The following CERS3 variants were observed in gnomAD, a reference collection of about 807,000 sequenced individuals.
CERS3 encodes LAG1 homolog, ceramide synthase 3.
Under a neutral mutation model 50.3 loss-of-function variants are expected in CERS3, and 33 were observed. That is an observed-to-expected ratio of 0.66 (90% confidence interval 0.50 to 0.88). The LOEUF is 0.88. CERS3 is among the 40% of genes least tolerant of loss of function. The pLI, the probability that CERS3 is intolerant of heterozygous loss-of-function variation, is 0.00. For synonymous variants in CERS3, 176 were observed against 155.2 expected, an observed-to-expected ratio of 1.13 and a Z score of -0.99; for missense variants, 470 against 460.3, an observed-to-expected ratio of 1.02 and a Z score of -0.19.
chr15:100,537,568 G>A (rs138155392), intron 1 of CERS3, among the ~76,000 whole-genome samples: 2 of 152,276 alleles, frequency 1.3e-5, no homozygotes, highest in Non-Finnish European at 2.9e-5. Context: ...CAAGCGAAGT[G>A]GGGAAGAGCG....
chr15:100,451,510 G>T (rs987202043), intron 11 of CERS3, among the ~76,000 whole-genome samples: 3 of 151,888 alleles, frequency 2.0e-5, no homozygotes, highest in Non-Finnish European at 4.4e-5. Context: ...GAGACCATCC[G>T]GGCTAACATG....
At chr15:100,430,112 A>G (rs2033040094) in intron 11 of CERS3, among the ~76,000 whole-genome samples, 1 of 152,052 alleles carries the variant, frequency 6.6e-6, no homozygotes, top group Non-Finnish European at 1.5e-5. Flanking sequence ...GGAGATCGAG[A>G]CCATCCTGGC....
chr15:100,499,128 A>G (rs1451889137), intron 3 of CERS3, among the ~76,000 whole-genome samples: 1 of 152,212 alleles, frequency 6.6e-6, no homozygotes. Context: ...CTCGTGTATA[A>G]TTAAGTAACA....
Position 100,490,400 on chromosome 15 carries a change from C to T in CERS3, c.288+417G>A, listed in dbSNP as rs142262834. Among the ~76,000 whole-genome samples, 222 of 152,202 alleles carry T rather than the reference C, an allele frequency of 1.5e-3. 1 individual carries two copies. The highest frequency in any genetic ancestry group is 2.2e-3 in the Admixed American group (33 of 15,282). ...TACTCATGAAAGCGACCCCAATGAA[C>T]ATTTTCATAATGTGTGTAATGTATT... is the stretch of plus-strand genomic sequence containing the variant. On this transcript the variant is annotated intron_variant, in intron 4 of 11. Coordinates refer to ENST00000679737, the MANE Select transcript of CERS3 (RefSeq NM_001378789.1).
At chr15:100,424,104 G>C (rs779959125) in intron 11 of CERS3, among the ~76,000 whole-genome samples, 1 of 152,100 alleles carries the variant, frequency 6.6e-6, no homozygotes, top group Non-Finnish European at 1.5e-5. Flanking sequence ...ACCATGCTCA[G>C]CTAATTTTGT....
At chr15:100,457,166 T>C (rs1243446410) in intron 10 of CERS3, among the ~76,000 whole-genome samples, 1 of 152,212 alleles carries the variant, frequency 6.6e-6, no homozygotes, top group African/African-American at 2.4e-5. Flanking sequence ...TCTCTTCCAG[T>C]ATTTTCCTAT....
chr15:100,480,904 TC>T (rs535228853), intron 5 of CERS3, among the ~76,000 whole-genome samples: 33 of 152,326 alleles, frequency 2.2e-4, no homozygotes, highest in African/African-American at 7.2e-4. Flanking sequence ...CTTGAGTTGA[TC>T]AACTAAAGCT....
intron 5 of CERS3, among the ~76,000 whole-genome samples, chr15:100,482,622 G>C (rs1033415976): frequency 6.6e-6 from 1 of 151,436 alleles, no homozygotes; most frequent in Non-Finnish European, 1.5e-5. Flanking sequence ...AAAAAAAAGG[G>C]CCCATTATGT....
intron 1 of CERS3, among the ~76,000 whole-genome samples, chr15:100,526,003 C>T (rs1230249026): frequency 6.6e-6 from 1 of 152,136 alleles, no homozygotes; most frequent in Non-Finnish European, 1.5e-5. Flanking sequence ...GAGGTGTTTC[C>T]AGGAGAAAGA....
chr15:100,515,146 T>C (rs2036454577), intron 2 of CERS3, among the ~76,000 whole-genome samples: 1 of 152,224 alleles, frequency 6.6e-6, no homozygotes, highest in African/African-American at 2.4e-5. Context: ...ATGTTTCATA[T>C]ACAAAAGCTA....
chr15:100,469,753 G>T (rs1291752776), intron 9 of CERS3, among the ~76,000 whole-genome samples: 1 of 152,170 alleles, frequency 6.6e-6, no homozygotes, highest in Admixed American at 6.5e-5. Flanking sequence ...TTAAATGCCT[G>T]TAATACCACT....
chr15:100,503,524 T>C (rs1024593096), intron 2 of CERS3, among the ~76,000 whole-genome samples: 7 of 152,180 alleles, frequency 4.6e-5, no homozygotes, highest in African/African-American at 1.7e-4. Context: ...AGGAATGAGA[T>C]GGTCAGCTAT....
At chr15:100,437,110 A>AT (rs930391451) in intron 11 of CERS3, among the ~76,000 whole-genome samples, 43 of 151,576 alleles carry the variant, frequency 2.8e-4, no homozygotes, top group African/African-American at 8.0e-4. Flanking sequence ...TGCCCGGCTA[A>AT]TTTTTTTTGT....
chr15:100,462,785 T>C (rs778452648), intron 10 of CERS3, among the ~76,000 whole-genome samples: 1 of 152,166 alleles, frequency 6.6e-6, no homozygotes, highest in Non-Finnish European at 1.5e-5. Flanking sequence ...CTGTTCCAGA[T>C]GAATGACAGC....
chr15:100,496,137 G>A (rs2035806322), intron 3 of CERS3, among the ~76,000 whole-genome samples: 1 of 152,112 alleles, frequency 6.6e-6, no homozygotes, highest in African/African-American at 2.4e-5. Context: ...ATATTCTATT[G>A]TAGGGATATA....
chr15:100,436,942 C>CTTT (rs755700746), intron 11 of CERS3, among the ~76,000 whole-genome samples: 35 of 129,572 alleles, frequency 2.7e-4, no homozygotes, highest in Non-Finnish European at 4.6e-4. Context: ...TCTTTCCTGA[C>CTTT]TTTTTTTTTT....
chr15:100,501,212 C>T (rs1414309421), intron 3 of CERS3, among the ~76,000 whole-genome samples: 1 of 152,132 alleles, frequency 6.6e-6, no homozygotes, highest in Non-Finnish European at 1.5e-5. Context: ...TTAAAATAAG[C>T]TATACTATAT....
At chr15:100,532,156 G>A (rs972881758), upstream of CERS3, among the ~76,000 whole-genome samples, 1 of 152,200 alleles carries the variant, frequency 6.6e-6, no homozygotes, top group African/African-American at 2.4e-5. Flanking sequence ...CAAGGGCAGA[G>A]GTCCCACAGT....
intron 2 of CERS3, among the ~76,000 whole-genome samples, chr15:100,519,246 AGATGAGACAGT>A (rs1727340245): frequency 6.6e-6 from 1 of 151,996 alleles, no homozygotes; most frequent in Non-Finnish European, 1.5e-5. Context: ...AGAACCCTGG[AGATGAGACAGT>A]GATTGAGGTG....
Sources: allele counts gnomAD v4.1 joint callset (sites outside exome capture counted in the v4.1 genomes callset), GRCh38; gene constraint gnomAD v4.1.1; transcripts MANE v1.5; gene names NCBI Gene and HGNC (gene_info 2026-07-23, HGNC 2026-07-21).